The following ACSL5 variants were observed in gnomAD, a reference collection of about 807,000 sequenced individuals.
The protein encoded by ACSL5 is long-chain-fatty-acid--CoA ligase 5.
In ACSL5, 50 loss-of-function variants were observed where a neutral mutation model predicts 84.9. The ratio of observed to expected loss-of-function variants is 0.59; its 90% CI spans 0.47 to 0.75. The LOEUF (loss-of-function observed/expected upper bound fraction) is 0.75, where lower values mean the gene tolerates loss of function less well. ACSL5 is among the 30% of genes least tolerant of loss of function. The pLI is 0.00. For missense variants in ACSL5, 775 were observed against 830.4 expected, an observed-to-expected ratio of 0.93 and a Z score of 0.82; for synonymous variants, 280 against 300.7, an observed-to-expected ratio of 0.93 and a Z score of 0.71.
chr10:112,397,670 T>C (rs1047465703), intron 2 of ACSL5, among the ~76,000 whole-genome samples: 3 of 152,232 alleles, frequency 2.0e-5, no homozygotes, highest in Non-Finnish European at 4.4e-5. Context: ...ATTTCTTCTC[T>C]GTAATCTTTC....
At chr10:112,426,699 G>A in intron 19 of ACSL5, 89 bp from the exon 20 acceptor site, 1 of 1,133,732 alleles carries the variant, frequency 8.8e-7, no homozygotes, top group Non-Finnish European at 1.3e-6. Flanking sequence ...CATACTGCAT[G>A]GCTTTGACAG....
chr10:112,394,473 G>C (rs1843703114), intron 1 of ACSL5, among the ~76,000 whole-genome samples: 1 of 152,194 alleles, frequency 6.6e-6, no homozygotes, highest in South Asian at 2.1e-4. Flanking sequence ...TCTTCTGTTT[G>C]GTTTATACGG....
At chr10:112,418,725 T>G (rs1299586208) in intron 14 of ACSL5, 2 of 152,536 alleles carry the variant, frequency 1.3e-5, no homozygotes, top group African/African-American at 4.8e-5. Flanking sequence ...TACAATAAAG[T>G]AAGCTAGAAA....
At position 112,409,528 on chromosome 10, in the gene ACSL5, G is replaced by C. The variant is rs747370524; in HGVS notation, c.554G>C (p.Cys185Ser). ...VNKADIAMVICDTPQKALVLI... is the reference protein window; with the variant it reads ...VNKADIAMVISDTPQKALVLI... ...CCAGCTGATATCGCCATGGTGATCT[G>C]TGACACACCCCAAAAGGCATTGGTG... The change falls in exon 7 of 21, where the codon TGT (cysteine) becomes TCT (serine). Residue 185 changes from cysteine to serine, a missense_variant. By Grantham distance (112) the Cys-to-Ser change is moderately radical (BLOSUM62 -1). Coordinates refer to ENST00000354655, the MANE Select transcript of ACSL5 (RefSeq NM_203379.2). 15 of 1,613,594 alleles carry C rather than the reference G, an allele frequency of 9.3e-6. No individual in the cohort carries two copies. The Admixed American group carries it at 2.3e-4, about 25-fold the overall frequency.
chr10:112,389,046 A>G (rs79363400), intron 1 of ACSL5, among the ~76,000 whole-genome samples: 29 of 152,358 alleles, frequency 1.9e-4, no homozygotes, highest in African/African-American at 7.0e-4. Context: ...ATTCATAGCA[A>G]TAAACATAGT....
At chr10:112,413,063 C>G in intron 11 of ACSL5, 110 bp from the exon 12 acceptor site, 1 of 1,175,504 alleles carries the variant, frequency 8.5e-7, no homozygotes, top group Admixed American at 2.1e-5. Context: ...AAGACAGGTC[C>G]CCACTGAAGG....
intron 12 of ACSL5, among the ~76,000 whole-genome samples, chr10:112,415,677 A>G (rs1391516242): frequency 2.6e-5 from 4 of 152,246 alleles, no homozygotes; most frequent in African/African-American, 4.8e-5. Context: ...CCTAGAGCAC[A>G]ATTTACATTA....
chr10:112,383,085 T>C (rs958503536), intron 1 of ACSL5, among the ~76,000 whole-genome samples: 1 of 152,102 alleles, frequency 6.6e-6, no homozygotes, highest in Admixed American at 6.6e-5. Flanking sequence ...GCTGGGCAAC[T>C]TAGGGAGACC....
chr10:112,395,186 G>A, intron 2 of ACSL5, 84 bp downstream of exon 2: 1 of 1,360,054 alleles, frequency 7.4e-7, no homozygotes, highest in Non-Finnish European at 1.0e-6. Flanking sequence ...CTCATGAAGG[G>A]GATTGGGTGC....
chr10:112,415,249 G>T (rs1458773779), intron 12 of ACSL5, among the ~76,000 whole-genome samples: 1 of 152,080 alleles, frequency 6.6e-6, no homozygotes, highest in Non-Finnish European at 1.5e-5. Flanking sequence ...GCCCAGGCTG[G>T]AGTGCAGTGG....
At chr10:112,410,687 C>T in intron 9 of ACSL5, 52 bp downstream of exon 9, 1 of 1,568,178 alleles carries the variant, frequency 6.4e-7, no homozygotes, top group Non-Finnish European at 8.7e-7. Flanking sequence ...AAGAACATGG[C>T]TTCAATTCTT....
chr10:112,379,463 T>A (rs575495969), intron 1 of ACSL5, among the ~76,000 whole-genome samples: 3 of 149,378 alleles, frequency 2.0e-5, no homozygotes, highest in African/African-American at 7.4e-5. Flanking sequence ...TGCACAGAAG[T>A]GGAGGGGCAG....
chr10:112,385,140 A>G (rs1187508515), intron 1 of ACSL5, among the ~76,000 whole-genome samples: 1 of 152,164 alleles, frequency 6.6e-6, no homozygotes, highest in African/African-American at 2.4e-5. Context: ...CCTGCGTGCC[A>G]GCCATGGTTC....
chr10:112,426,601 T>A (rs1042074709), intron 19 of ACSL5, 187 bp from the exon 20 acceptor site: 3 of 629,778 alleles, frequency 4.8e-6, no homozygotes, highest in Non-Finnish European at 8.4e-6. Context: ...GAGAAAACTG[T>A]TAACACTTAG....
At chr10:112,408,806 A>G (rs538098973) in intron 6 of ACSL5, 1 of 283,562 alleles carries the variant, frequency 3.5e-6, no homozygotes, top group South Asian at 5.1e-5. Flanking sequence ...TGAACACACT[A>G]GATAAAAGCC....
chr10:112,420,036 A>T (rs1033241088), intron 14 of ACSL5: 4 of 152,236 alleles, frequency 2.6e-5, no homozygotes, highest in South Asian at 2.1e-4. Flanking sequence ...TTTCCTCATG[A>T]GTCCCCTATC....
At chr10:112,405,764 T>C (rs1040760929) in intron 5 of ACSL5, among the ~76,000 whole-genome samples, 6 of 152,202 alleles carry the variant, frequency 3.9e-5, no homozygotes, top group African/African-American at 1.4e-4. Flanking sequence ...ATATAGGTAG[T>C]TGATTAACAC....
At chr10:112,426,930 G>T in intron 20 of ACSL5, 71 bp downstream of exon 20, 1 of 1,254,388 alleles carries the variant, frequency 8.0e-7, no homozygotes, top group South Asian at 1.3e-5. Flanking sequence ...ATCTAATGAG[G>T]TTTAAATGTA....
chr10:112,410,705 G>A, intron 9 of ACSL5, 70 bp downstream of exon 9: 3 of 1,500,744 alleles, frequency 2.0e-6, no homozygotes, highest in Non-Finnish European at 2.7e-6. Context: ...CTTGGCCACT[G>A]GTAGGCTGGT....
Sources: gnomAD v4.1 joint callset for allele counts (sites outside exome capture counted in the v4.1 genomes callset) on GRCh38, gnomAD v4.1.1 for gene constraint, MANE v1.5 for transcripts, NCBI Gene and HGNC (gene_info 2026-07-23, HGNC 2026-07-21) for gene names.